CDK13: variants seen among roughly 807,000 people sequenced by gnomAD.
The protein encoded by CDK13 is cyclin dependent kinase 13.
A neutral mutation model predicts 137.6 loss-of-function variants in CDK13; 40 were observed. That is an observed-to-expected ratio of 0.29 (90% CI 0.23 to 0.38). CDK13 has a LOEUF of 0.38. Among genes scored for constraint, CDK13 ranks in the 10% least tolerant of loss-of-function variants. CDK13 has a pLI of 1.00. For synonymous variants in CDK13, 869 were observed against 760.1 expected (o/e 1.14, Z -2.36); for missense variants, 1,704 against 1,951.8 (o/e 0.87, Z 2.39).
intron 9 of CDK13, chr7:40,069,397 T>TA: frequency 2.3e-6 from 1 of 438,162 alleles, no homozygotes; most frequent in South Asian, 1.6e-5. Flanking sequence ...TTTAGAATCT[T>TA]ACAGGGTTGG....
intron 2 of CDK13, 136 bp from the exon 3 acceptor site, chr7:39,997,358 A>C (rs1293654243): frequency 2.8e-6 from 2 of 715,968 alleles, no homozygotes; most frequent in Non-Finnish European, 4.7e-6. Context: ...AGCTGGAAAG[A>C]AACTTGGACA....
intron 1 of CDK13, among the ~76,000 whole-genome samples, chr7:39,977,367 T>C (rs1402011324): frequency 6.6e-6 from 1 of 152,234 alleles, no homozygotes; most frequent in East Asian, 1.9e-4. Flanking sequence ...ATTGAGCATC[T>C]ACCACTGCTA....
chr7:39,977,698 G>T (rs1301465692), intron 1 of CDK13, among the ~76,000 whole-genome samples: 2 of 152,214 alleles, frequency 1.3e-5, no homozygotes, highest in Non-Finnish European at 1.5e-5. Context: ...AGGGCCGAAG[G>T]CTTTGGGGTA....
chr7:40,009,477 A>C (rs1562726188), intron 5 of CDK13, among the ~76,000 whole-genome samples: 1 of 152,246 alleles, frequency 6.6e-6, no homozygotes, highest in Non-Finnish European at 1.5e-5. Flanking sequence ...AGGAATGAAG[A>C]ATTGAGGACA....
rs1485623203 is a variant in CDK13 at position 39,988,138 on chromosome 7, C to T, written c.1751C>T (p.Thr584Ile). The stretch of plus-strand genomic sequence containing the variant: ...GAATCAGTATCTCTTAAAGAGAAAA[C>T]CAAACCACTTACACCAAGCATAGGA... ...KEESVSLKEK[T>I]KPLTPSIGAK... The change falls in exon 2 of 14, where the codon ACC becomes ATC. Residue 584 changes from threonine to isoleucine, a missense_variant. Thr to Ile is a moderately conservative substitution (Grantham distance 89). Around this residue, in one of 5 missense-constraint regions of CDK13, gnomAD observed 1,051 missense variants for 931.0 expected, o/e 1.13. Coordinates refer to ENST00000181839, the MANE Select transcript of CDK13 (RefSeq NM_003718.5). The T allele has an allele frequency of 5.0e-6, 8 of 1,613,930 alleles. No individual in the cohort carries two copies. Among genetic ancestry groups the T allele is most frequent in the Non-Finnish European group, 6.8e-6 (8 of 1,179,962 alleles).
intron 5 of CDK13, among the ~76,000 whole-genome samples, chr7:40,026,521 A>G (rs983629274): frequency 3.3e-5 from 5 of 152,234 alleles, no homozygotes; most frequent in Non-Finnish European, 5.9e-5. Flanking sequence ...TCAGAAATAA[A>G]TAAATAACAA....
chr7:39,956,057 C>T (rs1398900933), intron 1 of CDK13, among the ~76,000 whole-genome samples: 1 of 151,544 alleles, frequency 6.6e-6, no homozygotes, highest in African/African-American at 2.4e-5. Context: ...GTCCTGAAAA[C>T]TATAGTTCAA....
chr7:40,019,458 T>G (rs1183283130), intron 5 of CDK13, among the ~76,000 whole-genome samples: 1 of 152,188 alleles, frequency 6.6e-6, no homozygotes, highest in Non-Finnish European at 1.5e-5. Context: ...GTCTGAAATT[T>G]GTAGGGGTGG....
intron 1 of CDK13, among the ~76,000 whole-genome samples, chr7:39,983,727 G>A (rs913923869): frequency 2.0e-5 from 3 of 152,116 alleles, no homozygotes; most frequent in African/African-American, 7.2e-5. Flanking sequence ...GAAACATGAC[G>A]TATATCAGAC....
intron 3 of CDK13, chr7:39,998,845 C>G (rs960454376): frequency 6.6e-6 from 1 of 151,692 alleles, no homozygotes; most frequent in Admixed American, 6.7e-5. Flanking sequence ...CTCTCTTAGA[C>G]TGAAAAATCT....
At chr7:40,018,909 C>G (rs1228406293) in intron 5 of CDK13, among the ~76,000 whole-genome samples, 1 of 152,156 alleles carries the variant, frequency 6.6e-6, no homozygotes, top group Middle Eastern at 3.4e-3. Context: ...TTAAAGTAAT[C>G]AGGACTAGAT....
intron 1 of CDK13, among the ~76,000 whole-genome samples, chr7:39,968,968 G>A (rs1783935587): frequency 6.6e-6 from 1 of 152,040 alleles, no homozygotes; most frequent in Non-Finnish European, 1.5e-5. Flanking sequence ...TGCCAGTCTG[G>A]CTTGCTCATT....
chr7:39,952,074 G>T (rs9655407), intron 1 of CDK13: 1 of 400,600 alleles, frequency 2.5e-6, no homozygotes, highest in East Asian at 3.6e-5. Context: ...TTTTCTCCTA[G>T]CTGTGGCAGG....
At chr7:40,091,998 A>G (rs1018745782) in intron 12 of CDK13, among the ~76,000 whole-genome samples, 14 of 152,228 alleles carry the variant, frequency 9.2e-5, no homozygotes, top group African/African-American at 3.4e-4. Flanking sequence ...GTCTAAACTG[A>G]AAGTTGGAAA....
rs528391910 is a variant in CDK13, at chr7:39,968,703, A to G, written c.1211+16851A>G. Among the ~76,000 whole-genome samples the G allele has an allele frequency of 4.6e-5, 7 of 152,290 alleles. No homozygotes were observed. In the East Asian group the frequency reaches 7.7e-4, roughly 17 times the overall value. On this transcript the variant is annotated intron_variant, in intron 1 of 13. Transcript: ENST00000181839. ...AGTACCATACTCTTTGGATTAACAT[A>G]GCTTTGGAATAAACTTTGAAGTCAG...
At chr7:39,959,310 C>T (rs1412352087) in intron 1 of CDK13, among the ~76,000 whole-genome samples, 3 of 150,420 alleles carry the variant, frequency 2.0e-5, no homozygotes, top group Non-Finnish European at 4.4e-5. Context: ...TACAGGCATG[C>T]GCCACCATGC....
chr7:40,001,354 G>A lies in CDK13; in HGVS notation c.2183-507G>A, dbSNP rs1259895550. Among the ~76,000 whole-genome samples the A allele has an allele frequency of 2.6e-5, 4 of 151,594 alleles. No individual in the cohort carries two copies. In the East Asian group the frequency reaches 7.7e-4, roughly 29 times the overall value. ...GTGATTCTCCTGCCTCAAACACCCA[G>A]GTAGCTGAGGTTACAGGCGCCCAGC... On this transcript the variant is annotated intron_variant, in intron 4 of 13. Transcript: ENST00000181839.
chr7:40,092,357 TCTC>T (rs1786943626), intron 12 of CDK13: 1 of 157,988 alleles, frequency 6.3e-6, no homozygotes, highest in Admixed American at 6.1e-5. Flanking sequence ...AGTTTCTTCT[TCTC>T]AGTAAAAGGA....
At chr7:40,000,341 G>T (rs1784656909) in intron 4 of CDK13, among the ~76,000 whole-genome samples, 2 of 152,134 alleles carry the variant, frequency 1.3e-5, no homozygotes, top group Admixed American at 1.3e-4. Flanking sequence ...ACTCCAGCCT[G>T]AGCGACAGAG....
Sources: gnomAD v4.1 joint callset for allele counts (sites outside exome capture counted in the v4.1 genomes callset) on GRCh38, gnomAD v4.1.1 for gene constraint, gnomAD v4.1.1 regional missense constraint, MANE v1.5 for transcripts, NCBI Gene and HGNC (gene_info 2026-07-23, HGNC 2026-07-21) for gene names.